CYGB: variants seen among roughly 807,000 people sequenced by gnomAD.
CYGB encodes histoglobin.
In CYGB, 13 loss-of-function variants were observed where a neutral mutation model predicts 20.7. The observed-to-expected ratio is 0.63, with a 90% confidence interval of 0.41 to 1.00. CYGB has a LOEUF of 1.00. Ranked by LOEUF, CYGB falls within the 50% of genes least tolerant of loss-of-function variation. The pLI is 0.00. For missense variants in CYGB, 218 were observed against 257.2 expected, an observed-to-expected ratio of 0.85 and a Z score of 1.04; for synonymous variants, 93 against 107.4, an observed-to-expected ratio of 0.87 and a Z score of 0.83.
chr17:76,545,015 G>T (rs987514815), intron 1 of CYGB: 10 of 455,406 alleles, frequency 2.2e-5, no homozygotes, highest in African/African-American at 2.0e-4. Context: ...TGGCTGCCTG[G>T]GCTTGGAGGT....
At chr17:76,538,409 GCGCC>G (rs1598209480), upstream of CYGB, 1 of 426,456 alleles carries the variant, frequency 2.3e-6, no homozygotes, top group East Asian at 8.7e-5. Context: ...CCAGAGGCCT[GCGCC>G]CCCTCTCCTT....
chr17:76,542,155 C>T (rs979242768), upstream of CYGB, among the ~76,000 whole-genome samples: 7 of 152,142 alleles, frequency 4.6e-5, no homozygotes, highest in Non-Finnish European at 2.9e-5. Context: ...ATGCTCAGGC[C>T]CGATTCCAGG....
At position 76,546,449 on chromosome 17, in the gene CYGB, TTTGTG is replaced by T. The variant is rs1357423873; in HGVS notation, c.-53+4408_-53+4412del. ...AGTGTGCGGTTGTGTGTGTGTGTGG[TTTGTG>T]TGTGTGTGTGTGTGTGTGCGCGCAG... On this transcript the variant is annotated intron_variant, in intron 1 of 3. Transcript: ENST00000589145. The surrounding 1 kb of genome is among the most constrained non-coding windows in gnomAD (Gnocchi z 4.5). 191 of 14,448 alleles carry T rather than the reference TTTGTG, an allele frequency of 0.013. 1 individual carries two copies. Among genetic ancestry groups the T allele is most frequent in the Non-Finnish European group, 0.047 (176 of 3,766 alleles). The allele number at this position is 14,448 out of a possible 1,614,324, so 0.9% of individuals were successfully genotyped here.
intron 1 of CYGB, among the ~76,000 whole-genome samples, chr17:76,549,001 G>A (rs2075082291): frequency 1.3e-5 from 2 of 152,166 alleles, no homozygotes; most frequent in African/African-American, 4.8e-5. Flanking sequence ...GACAGTGTGA[G>A]ATTCATAAGG....
upstream of CYGB, chr17:76,540,125 G>A (rs2143139148): frequency 6.3e-7 from 1 of 1,595,622 alleles, no homozygotes; most frequent in Non-Finnish European, 8.5e-7. The surrounding 1 kb of genome is among the most constrained non-coding windows in gnomAD (Gnocchi z 5.0). Context: ...CCTGGGAGGG[G>A]ATGGGGCAGC....
chr17:76,540,576 A>G (rs1319505764), upstream of CYGB: 6 of 1,613,032 alleles, frequency 3.7e-6, no homozygotes, highest in African/African-American at 6.7e-5. This position sits in a 1 kb window ranked among gnomAD's most constrained non-coding sequence, Gnocchi z 5.0. Context: ...TCAGGCAGGT[A>G]AGGCAGGAGT....
chr17:76,531,848 C>A lies in CYGB; in HGVS notation c.144-157G>T, dbSNP rs372152306. On this transcript the variant is annotated intron_variant, in intron 1 of 3. Coordinates refer to ENST00000293230, the MANE Select transcript of CYGB (RefSeq NM_134268.5). This position sits in a 1 kb window ranked among gnomAD's most constrained non-coding sequence, Gnocchi z 7.4. Reference sequence around the variant, plus strand: ...ACCATCAGTAGACCTCAGCATAGACCCTCCTCCCTCTGGCCAAGCCGGCTC... The same window carrying A: ...ACCATCAGTAGACCTCAGCATAGACACTCCTCCCTCTGGCCAAGCCGGCTC... 1.3e-5 allele frequency: 8 copies of A among 624,572 alleles called. No individual in the cohort carries two copies. The highest frequency in any genetic ancestry group is 9.2e-5 in the African/African-American group (5 of 54,262). 38.7% of individuals were successfully genotyped at this position (624,572 alleles called of 1,614,324 possible). A position where few individuals can be genotyped will look rare whatever the true frequency, so the allele number is the denominator to read the frequency against.
chr17:76,547,957 CACACAT>C (rs1190755509), intron 1 of CYGB, among the ~76,000 whole-genome samples: 9 of 151,650 alleles, frequency 5.9e-5, no homozygotes, highest in Non-Finnish European at 1.0e-4. Context: ...CACATATACA[CACACAT>C]ACACATAAAC....
Position 76,544,279 on chromosome 17 carries a change from G to A in CYGB, c.-53+6583C>T, listed in dbSNP as rs778866143. ...GGCGATGTCTCTGCCTGGCTGGCCC[G>A]TGCCCTTGACTTCCAGGCAGTAGAA... On this transcript the variant is annotated intron_variant, in intron 1 of 3. Transcript: ENST00000589145. 7.7e-5 allele frequency: 35 copies of A among 454,388 alleles called. 1 individual carries two copies. Among genetic ancestry groups the A allele is most frequent in the East Asian group, 3.5e-4 (5 of 14,410 alleles). 28.1% of individuals were successfully genotyped at this position (454,388 alleles called of 1,614,324 possible).
upstream of CYGB, among the ~76,000 whole-genome samples, chr17:76,539,864 C>A (rs2074964373): frequency 6.6e-6 from 1 of 152,236 alleles, no homozygotes; most frequent in Non-Finnish European, 1.5e-5. Context: ...GCAAGCAAGG[C>A]CCAGTCTCAT....
rs548170862 is a variant in CYGB, at chr17:76,530,080, G to A, written c.539+899C>T. On this transcript the variant is annotated intron_variant, in intron 3 of 3. Coordinates refer to ENST00000293230, the MANE Select transcript of CYGB (RefSeq NM_134268.5). The surrounding 1 kb of genome is among the most constrained non-coding windows in gnomAD (Gnocchi z 6.1). ...CGTGCAGAGCCCGGCGGGAGACGCCGCCTTTTCCATGGGAAACTGCTGGGA... is the reference window on the plus strand; with the variant it reads ...CGTGCAGAGCCCGGCGGGAGACGCCACCTTTTCCATGGGAAACTGCTGGGA... 18 of 985,370 alleles carry A rather than the reference G, an allele frequency of 1.8e-5. No individual in the cohort carries two copies. The highest frequency in any genetic ancestry group is 1.0e-4 in the African/African-American group (6 of 57,326). 61.0% of individuals were successfully genotyped at this position (985,370 alleles called of 1,614,324 possible). A position where few individuals can be genotyped will look rare whatever the true frequency, so the allele number is the denominator to read the frequency against.
upstream of CYGB, chr17:76,542,691 G>A: frequency 1.8e-6 from 2 of 1,128,662 alleles, no homozygotes; most frequent in Admixed American, 3.6e-5. Context: ...CAGGCAGGAA[G>A]CAACAGGCAA....
chr17:76,548,198 CACAT>C (rs1270239255), intron 1 of CYGB, among the ~76,000 whole-genome samples: 32 of 151,948 alleles, frequency 2.1e-4, no homozygotes, highest in African/African-American at 7.0e-4. Context: ...CACATTTACA[CACAT>C]ACAGACATAT....
rs2074901309 is a variant in CYGB, at chr17:76,535,140, G to C, written c.143+2260C>G. 2.6e-5 allele frequency among the ~76,000 whole-genome samples: 4 copies of C among 152,216 alleles called. No individual in the cohort carries two copies. The South Asian group carries it at 8.3e-4, about 32-fold the overall frequency. ...AATGGAAGTGTGGGGTCTGCCTCAG[G>C]CTCTAAAGCAACGCCTCCTCCACCC... On this transcript the variant is annotated intron_variant, in intron 1 of 3. Coordinates refer to ENST00000293230, the MANE Select transcript of CYGB (RefSeq NM_134268.5).
intron 1 of CYGB, among the ~76,000 whole-genome samples, chr17:76,547,949 CAT>C (rs1415897290): frequency 6.6e-5 from 10 of 151,482 alleles, no homozygotes; most frequent in South Asian, 4.2e-4. Flanking sequence ...TATTCACACA[CAT>C]ATACACACAC....
Position 76,528,547 on chromosome 17 carries a change from G to A in CYGB, c.*31C>T. On this transcript the variant is annotated 3_prime_UTR_variant, in exon 4 of 4. Coordinates refer to ENST00000293230, the MANE Select transcript of CYGB (RefSeq NM_134268.5). This position sits in a 1 kb window ranked among gnomAD's most constrained non-coding sequence, Gnocchi z 5.8. ...CAGAACTCGGCCTTCTGCTCGAGGT[G>A]CTGCCAGGGAGGGGGGTGGAGTTAG... is the stretch of plus-strand genomic sequence containing the variant. 2 of 1,289,212 alleles carry A rather than the reference G, an allele frequency of 1.6e-6. No homozygotes were observed. Among genetic ancestry groups the A allele is most frequent in the Non-Finnish European group, 2.0e-6 (2 of 1,009,676 alleles). 79.9% of individuals were successfully genotyped at this position (1,289,212 alleles called of 1,614,324 possible). A position where few individuals can be genotyped will look rare whatever the true frequency, so the allele number is the denominator to read the frequency against.
At position 76,527,966 on chromosome 17, in the gene CYGB, C is replaced by T. The variant is rs1196692259; in HGVS notation, c.*612G>A. 3 of 373,566 alleles carry T rather than the reference C, an allele frequency of 8.0e-6. No individual in the cohort carries two copies. The highest frequency in any genetic ancestry group is 1.6e-5 in the Non-Finnish European group (3 of 185,480). The allele number at this position is 373,566 out of a possible 1,614,324, so 23.1% of individuals were successfully genotyped here. A position where few individuals can be genotyped will look rare whatever the true frequency, so the allele number is the denominator to read the frequency against. On this transcript the variant is annotated 3_prime_UTR_variant, in exon 4 of 4. Transcript: ENST00000293230. ...AAGCCGGGTTGCCCCAGCCCTGCCC[C>T]TCCAGGCCCAGGTCCTCTGCGCTGC...
chr17:76,544,625 G>T (rs1166712961), intron 1 of CYGB: 1 of 456,788 alleles, frequency 2.2e-6, no homozygotes, highest in Admixed American at 2.3e-5. Flanking sequence ...GCCTGTCTCA[G>T]CTCCTGTCAG....
chr17:76,530,669 G>A lies in CYGB; in HGVS notation c.539+310C>T, dbSNP rs1232942097. ...CGGACCTTACCGCCAGGAGCCTCTG[G>A]CGCCTCTCTGCCTGGGCAGCTGTGG... On this transcript the variant is annotated intron_variant, in intron 3 of 3. Coordinates refer to ENST00000293230, the MANE Select transcript of CYGB (RefSeq NM_134268.5). The surrounding 1 kb of genome is among the most constrained non-coding windows in gnomAD (Gnocchi z 6.1). 6.6e-6 allele frequency among the ~76,000 whole-genome samples: 1 copy of A among 152,176 alleles called. No homozygotes were observed. The highest frequency in any genetic ancestry group is 2.4e-5 in the African/African-American group (1 of 41,434).
Sources: allele counts gnomAD v4.1 joint callset (sites outside exome capture counted in the v4.1 genomes callset), GRCh38; gene constraint gnomAD v4.1.1; non-coding constraint Gnocchi (gnomAD v3.1); transcripts MANE v1.5; gene names NCBI Gene and HGNC (gene_info 2026-07-23, HGNC 2026-07-21).